Variants in GRID1 observed in about 807,000 individuals in gnomAD.
GRID1 encodes glutamate ionotropic receptor delta type subunit 1.
Under a neutral mutation model 98.0 loss-of-function variants are expected in GRID1, and 28 were observed. The ratio of observed to expected loss-of-function variants is 0.29; its 90% CI spans 0.21 to 0.39. The LOEUF (loss-of-function observed/expected upper bound fraction) is 0.39. Among genes scored for constraint, GRID1 ranks in the 10% least tolerant of loss-of-function variants. The pLI, the probability that GRID1 is intolerant of heterozygous loss-of-function variation, is 1.00. For synonymous variants in GRID1, 553 were observed against 538.5 expected, an observed-to-expected ratio of 1.03 and a Z score of -0.37; for missense variants, 1,111 against 1,340.5, an observed-to-expected ratio of 0.83 and a Z score of 2.67.
rs557189061 is a variant in GRID1, at chr10:85,963,547, C to A, written c.727-47308G>T. ...AAAACTCTAACCTCCTGACACCAGG[C>A]CCCTGATGATCTCCCCATCCTCCAC... On this transcript the variant is annotated intron_variant, in intron 4 of 15. Transcript: ENST00000327946. 7.2e-5 allele frequency among the ~76,000 whole-genome samples: 11 copies of A among 152,308 alleles called. No homozygotes were observed. The East Asian group carries it at 1.4e-3, about 19-fold the overall frequency.
intron 4 of GRID1, among the ~76,000 whole-genome samples, chr10:86,108,249 G>C (rs571902221): frequency 3.3e-5 from 5 of 152,144 alleles, no homozygotes; most frequent in African/African-American, 1.2e-4. Flanking sequence ...CCCTGCGAGG[G>C]GGACAAGAGA....
At chr10:85,793,009 T>C (rs760360877) in intron 8 of GRID1, among the ~76,000 whole-genome samples, 2 of 152,064 alleles carry the variant, frequency 1.3e-5, no homozygotes, top group Non-Finnish European at 2.9e-5. Context: ...CCTTGTCCCA[T>C]CCCTCCCTTA....
At chr10:86,285,878 T>C (rs1258142395) in intron 2 of GRID1, among the ~76,000 whole-genome samples, 1 of 152,256 alleles carries the variant, frequency 6.6e-6, no homozygotes, top group African/African-American at 2.4e-5. Flanking sequence ...AAAAGACGTT[T>C]GAGCAAAACC....
chr10:85,774,513 G>T (rs983515732), intron 8 of GRID1, among the ~76,000 whole-genome samples: 2 of 151,028 alleles, frequency 1.3e-5, no homozygotes, highest in Non-Finnish European at 3.0e-5. Context: ...CACAGCAAAA[G>T]AAACTACCAT....
rs530660317 is a variant in GRID1, at chr10:85,825,475, A to G, written c.1233+29021T>C. On this transcript the variant is annotated intron_variant, in intron 8 of 15. Coordinates refer to ENST00000327946, the MANE Select transcript of GRID1 (RefSeq NM_017551.3). ...GCATCATTTGCAAATATTTTCTCCC[A>G]TTCTGTGGTTTGTGTGTTTACTCTG... is the stretch of plus-strand genomic sequence containing the variant. Among the ~76,000 whole-genome samples the G allele has an allele frequency of 5.9e-5, 9 of 152,000 alleles. No individual in the cohort carries two copies. In the South Asian group the frequency reaches 1.9e-3, roughly 32 times the overall value.
At chr10:86,023,736 C>G (rs974188624) in intron 4 of GRID1, among the ~76,000 whole-genome samples, 1 of 152,124 alleles carries the variant, frequency 6.6e-6, no homozygotes, top group Admixed American at 6.5e-5. Context: ...CAGCCACACA[C>G]GAAAGAACCC....
chr10:85,769,100 T>A (rs960953496), intron 8 of GRID1, among the ~76,000 whole-genome samples: 4 of 152,056 alleles, frequency 2.6e-5, no homozygotes, highest in African/African-American at 9.7e-5. Flanking sequence ...AAAAAAAGAA[T>A]CAAGAAGTTC....
chr10:85,915,610 A>G (rs1042954817), intron 5 of GRID1, among the ~76,000 whole-genome samples: 1 of 151,994 alleles, frequency 6.6e-6, no homozygotes, highest in African/African-American at 2.4e-5. Flanking sequence ...ACACCTGCAC[A>G]CACACATCCA....
intron 13 of GRID1, chr10:85,646,111 A>AGTGT (rs58539676): frequency 0.2 from 29,752 of 148,314 alleles, 3,032 homozygotes; most frequent in Non-Finnish European, 0.22. Context: ...CACAGGGATG[A>AGTGT]GTGTGTGTGT....
At chr10:86,310,171 G>A (rs1355172698) in intron 2 of GRID1, among the ~76,000 whole-genome samples, 1 of 152,148 alleles carries the variant, frequency 6.6e-6, no homozygotes, top group Non-Finnish European at 1.5e-5. Flanking sequence ...GAGAAATTTT[G>A]AGGCAGCCCT....
In GRID1 at chr10:86,366,730, C is replaced by T. The variant is rs1321355259; in HGVS notation, c.-338G>A. ...TCGGGGGAGGCTGAGGCGGTGGCGGCGGCGGCCGGGCCGGCGTGGCGGCTC... is the reference window on the plus strand; with the variant it reads ...TCGGGGGAGGCTGAGGCGGTGGCGGTGGCGGCCGGGCCGGCGTGGCGGCTC... On this transcript the variant is annotated 5_prime_UTR_variant, in exon 1 of 16. Transcript: ENST00000327946. The surrounding 1 kb of genome is among the most constrained non-coding windows in gnomAD (Gnocchi z 4.1). Among the ~76,000 whole-genome samples the T allele has an allele frequency of 1.3e-5, 2 of 150,184 alleles. No individual in the cohort carries two copies. Among genetic ancestry groups the T allele is most frequent in the East Asian group, 2.0e-4 (1 of 5,114 alleles).
At chr10:86,287,563 G>A (rs1466731618) in intron 2 of GRID1, among the ~76,000 whole-genome samples, 1 of 152,110 alleles carries the variant, frequency 6.6e-6, no homozygotes, top group African/African-American at 2.4e-5. Context: ...AGGCCAACCT[G>A]CCACGTTGGG....
chr10:85,806,736 A>G (rs1249071138), intron 8 of GRID1, among the ~76,000 whole-genome samples: 1 of 152,186 alleles, frequency 6.6e-6, no homozygotes, highest in African/African-American at 2.4e-5. Flanking sequence ...TCTAGAATAG[A>G]TAATATTTAT....
At chr10:85,623,037 A>G (rs927399461) in intron 13 of GRID1, among the ~76,000 whole-genome samples, 2 of 152,200 alleles carry the variant, frequency 1.3e-5, no homozygotes. Flanking sequence ...TAGTGGCAGG[A>G]CAGGCCAGAT....
chr10:85,920,318 C>G (rs990859433), intron 4 of GRID1, among the ~76,000 whole-genome samples: 1 of 152,212 alleles, frequency 6.6e-6, no homozygotes, highest in African/African-American at 2.4e-5. Context: ...GGTGACACTT[C>G]CAGCCCAGGA....
At chr10:85,638,266 T>A (rs1329911849) in intron 13 of GRID1, among the ~76,000 whole-genome samples, 1 of 152,200 alleles carries the variant, frequency 6.6e-6, no homozygotes, top group Non-Finnish European at 1.5e-5. Context: ...TATAAAAATA[T>A]AAGTTTTCCC....
In GRID1 at chr10:86,000,357, G is replaced by A. The variant is rs573336084; in HGVS notation, c.727-84118C>T. ...AGACTGGAAAACTCAGTTTAGCAAGGATGCCAATCCTCTCCAAATTGGTCT... is the reference window on the plus strand; with the variant it reads ...AGACTGGAAAACTCAGTTTAGCAAGAATGCCAATCCTCTCCAAATTGGTCT... On this transcript the variant is annotated intron_variant, in intron 4 of 15. Transcript: ENST00000327946. Among the ~76,000 whole-genome samples, 194 of 152,282 alleles carry A rather than the reference G, an allele frequency of 1.3e-3. 2 individuals carry two copies. Among genetic ancestry groups the A allele is most frequent in the African/African-American group, 4.6e-3 (191 of 41,560 alleles).
intron 3 of GRID1, among the ~76,000 whole-genome samples, chr10:86,173,003 C>A (rs1390792709): frequency 6.6e-6 from 1 of 152,156 alleles, no homozygotes; most frequent in African/African-American, 2.4e-5. Context: ...GTATACATTT[C>A]AATTGTGTCT....
Position 86,206,973 on chromosome 10 carries a change from C to T in GRID1, c.236-325G>A, listed in dbSNP as rs1337314685. On this transcript the variant is annotated intron_variant, in intron 2 of 15. Transcript: ENST00000327946. The surrounding 1 kb of genome is among the most constrained non-coding windows in gnomAD (Gnocchi z 4.1). ...CCATCCCAAATCTGCCTGATTCACC[C>T]CCACTGAGCTGTAAAATTAGCCATC... Among the ~76,000 whole-genome samples the T allele has an allele frequency of 6.6e-6, 1 of 152,200 alleles. No homozygotes were observed. The highest frequency in any genetic ancestry group is 2.4e-5 in the African/African-American group (1 of 41,466).
Sources: gnomAD v4.1 joint callset for allele counts (sites outside exome capture counted in the v4.1 genomes callset) on GRCh38, gnomAD v4.1.1 for gene constraint, Gnocchi (gnomAD v3.1) non-coding constraint, MANE v1.5 for transcripts, NCBI Gene and HGNC (gene_info 2026-07-23, HGNC 2026-07-21) for gene names.